ULK4: variants seen among roughly 807,000 people sequenced by gnomAD.
ULK4 encodes unc-51 like kinase 4, also known as inactive serine/threonine-protein kinase ULK4.
In ULK4, 133 loss-of-function variants were observed where a neutral mutation model predicts 160.6. That is an observed-to-expected ratio of 0.83 (90% CI 0.72 to 0.96). The LOEUF (loss-of-function observed/expected upper bound fraction) is 0.96, where lower values mean the gene tolerates loss of function less well. Among genes scored for constraint, ULK4 ranks in the 40% least tolerant of loss-of-function variants. The probability of loss-of-function intolerance (pLI) is 0.00; values close to 1 mark genes in which losing one functional copy is unlikely to be tolerated. For synonymous variants in ULK4, 534 were observed against 539.8 expected (o/e 0.99, Z 0.15); for missense variants, 1,580 against 1,499.5 (o/e 1.05, Z -0.89).
chr3:41,298,580 T>C (rs2079719257), intron 35 of ULK4, among the ~76,000 whole-genome samples: 1 of 152,212 alleles, frequency 6.6e-6, no homozygotes, highest in Non-Finnish European at 1.5e-5. Flanking sequence ...TCAGCTACCA[T>C]AATCATGCCC....
chr3:41,756,553 C>T (rs1443440769), intron 21 of ULK4, among the ~76,000 whole-genome samples: 1 of 152,054 alleles, frequency 6.6e-6, no homozygotes, highest in Non-Finnish European at 1.5e-5. Flanking sequence ...GAACATTGAA[C>T]AAAGGAAAGC....
intron 22 of ULK4, among the ~76,000 whole-genome samples, chr3:41,724,292 C>G (rs1168211183): frequency 1.3e-5 from 2 of 152,170 alleles, no homozygotes; most frequent in Non-Finnish European, 2.9e-5. Flanking sequence ...ATAAACATTT[C>G]TATTGGATAT....
intron 31 of ULK4, among the ~76,000 whole-genome samples, chr3:41,575,416 A>G (rs1487434456): frequency 6.6e-6 from 1 of 152,098 alleles, no homozygotes; most frequent in Non-Finnish European, 1.5e-5. Flanking sequence ...GGGGCTGAGG[A>G]GGCAGAGGGA....
At chr3:41,641,593 T>A (rs565343134) in intron 30 of ULK4, among the ~76,000 whole-genome samples, 7 of 152,174 alleles carry the variant, frequency 4.6e-5, no homozygotes, top group Non-Finnish European at 8.8e-5. Context: ...AGCTAAAACT[T>A]TTAAATCATA....
At chr3:41,514,122 T>TA (rs2085675092) in intron 32 of ULK4, among the ~76,000 whole-genome samples, 3 of 152,272 alleles carry the variant, frequency 2.0e-5, no homozygotes, top group South Asian at 4.1e-4. Flanking sequence ...ATGGATTGTT[T>TA]AAAAAAATTG....
intron 17 of ULK4, among the ~76,000 whole-genome samples, chr3:41,844,235 G>A (rs1487994111): frequency 2.0e-5 from 3 of 152,130 alleles, no homozygotes; most frequent in Non-Finnish European, 2.9e-5. Flanking sequence ...GCTCGCTGGG[G>A]AGACTCGGGC....
intron 31 of ULK4, among the ~76,000 whole-genome samples, chr3:41,568,375 A>T (rs184895380): frequency 6.6e-6 from 1 of 152,298 alleles, no homozygotes. Context: ...AGAAGTAGAC[A>T]TATGTTTATT....
chr3:41,637,601 T>C (rs1364295995), intron 30 of ULK4, among the ~76,000 whole-genome samples: 1 of 152,246 alleles, frequency 6.6e-6, no homozygotes, highest in African/African-American at 2.4e-5. Context: ...GTTTTATTTT[T>C]TGAGGAACCT....
intron 22 of ULK4, among the ~76,000 whole-genome samples, chr3:41,723,775 C>T (rs1253225701): frequency 1.3e-5 from 2 of 152,192 alleles, no homozygotes; most frequent in Admixed American, 6.5e-5. Context: ...AAACTGCAAA[C>T]AGGGGACTAA....
intron 19 of ULK4, among the ~76,000 whole-genome samples, chr3:41,811,951 A>C (rs1254532070): frequency 6.6e-6 from 1 of 152,208 alleles, no homozygotes; most frequent in Non-Finnish European, 1.5e-5. Context: ...TTTTCCAAAC[A>C]GGCCAACCTG....
intron 32 of ULK4, among the ~76,000 whole-genome samples, chr3:41,487,597 A>G (rs931258599): frequency 2.0e-5 from 3 of 152,150 alleles, no homozygotes; most frequent in African/African-American, 7.2e-5. Flanking sequence ...TTCAAATTCT[A>G]TGAGGAATAA....
chr3:41,754,245 G>A lies in ULK4; in HGVS notation c.2321+116C>T, dbSNP rs987751162. The stretch of plus-strand genomic sequence containing the variant: ...ATTACAGGTGAAATATTAAGCCCCT[G>A]GAAAAACTCTTAAAAAAAAATACCA... On this transcript the variant is annotated intron_variant, in intron 22 of 36. Coordinates refer to ENST00000301831, the MANE Select transcript of ULK4 (RefSeq NM_017886.4). 1.2e-5 allele frequency: 15 copies of A among 1,211,578 alleles called. No homozygotes were observed. The African/African-American group carries it at 1.6e-4, about 13-fold the overall frequency. The allele number at this position is 1,211,578 out of a possible 1,614,324, so 75.1% of individuals were successfully genotyped here. A position where few individuals can be genotyped will look rare whatever the true frequency, so the allele number is the denominator to read the frequency against.
intron 21 of ULK4, among the ~76,000 whole-genome samples, chr3:41,763,755 C>T (rs963328846): frequency 2.6e-5 from 4 of 152,202 alleles, no homozygotes; most frequent in Non-Finnish European, 5.9e-5. Context: ...TAAGCATCTA[C>T]CTAGCTTTAT....
intron 35 of ULK4, among the ~76,000 whole-genome samples, chr3:41,315,135 C>G (rs1270271122): frequency 6.6e-6 from 1 of 152,034 alleles, no homozygotes; most frequent in Admixed American, 6.6e-5. Flanking sequence ...TTTGCAAATT[C>G]TTTAATGTCT....
chr3:41,717,905 C>A, intron 22 of ULK4, 44 bp from the exon 23 acceptor site: 1 of 1,582,646 alleles, frequency 6.3e-7, no homozygotes, highest in Non-Finnish European at 8.6e-7. Flanking sequence ...TGATAAAACA[C>A]TTGATAGCAT....
At chr3:41,428,338 C>T (rs556357250) in intron 34 of ULK4, among the ~76,000 whole-genome samples, 113 of 152,242 alleles carry the variant, frequency 7.4e-4, no homozygotes, top group Non-Finnish European at 2.1e-4. Context: ...AATGGCTATA[C>T]TGCGCAAAGT....
At chr3:41,272,921 T>G (rs1441182671) in intron 35 of ULK4, among the ~76,000 whole-genome samples, 1 of 152,192 alleles carries the variant, frequency 6.6e-6, no homozygotes, top group African/African-American at 2.4e-5. Context: ...AAGTTTTCCT[T>G]AGGTCTTTTT....
intron 30 of ULK4, among the ~76,000 whole-genome samples, chr3:41,656,766 T>C (rs1490550290): frequency 6.6e-6 from 1 of 152,168 alleles, no homozygotes; most frequent in African/African-American, 2.4e-5. Flanking sequence ...ATAAAACAAA[T>C]AGCTCTAACA....
chr3:41,591,999 G>T (rs2125646808), intron 31 of ULK4, among the ~76,000 whole-genome samples: 1 of 152,356 alleles, frequency 6.6e-6, no homozygotes, highest in Middle Eastern at 3.4e-3. Context: ...ACAGCATGTG[G>T]AGTCTTGCAT....
Sources: gnomAD v4.1 joint callset for allele counts (sites outside exome capture counted in the v4.1 genomes callset) on GRCh38, gnomAD v4.1.1 for gene constraint, MANE v1.5 for transcripts, NCBI Gene and HGNC (gene_info 2026-07-23, HGNC 2026-07-21) for gene names.